Variants in JAKMIP2 observed in about 807,000 individuals in gnomAD.
The protein encoded by JAKMIP2 is janus kinase and microtubule-interacting protein 2.
A neutral mutation model predicts 115.0 loss-of-function variants in JAKMIP2; 25 were observed. That is an observed-to-expected ratio of 0.22 (90% confidence interval 0.16 to 0.30). The LOEUF is 0.30. Ranked by LOEUF, JAKMIP2 falls within the 10% of genes least tolerant of loss-of-function variation. The pLI, the probability that JAKMIP2 is intolerant of heterozygous loss-of-function variation, is 1.00. For synonymous variants in JAKMIP2, 334 were observed against 343.6 expected, an observed-to-expected ratio of 0.97 and a Z score of 0.31; for missense variants, 642 against 957.6, an observed-to-expected ratio of 0.67 and a Z score of 4.35.
intron 13 of JAKMIP2, 30 bp downstream of exon 13, chr5:147,632,650 T>C (rs202088532): frequency 1.5e-6 from 2 of 1,361,860 alleles, no homozygotes; most frequent in African/African-American, 2.9e-5. Context: ...ATTACGATTA[T>C]TTTTATTATT....
intron 1 of JAKMIP2, among the ~76,000 whole-genome samples, chr5:147,724,701 A>T (rs999366622): frequency 4.4e-4 from 67 of 152,302 alleles, no homozygotes; most frequent in African/African-American, 1.6e-3. Context: ...TAGAAGGAAG[A>T]TCTTACTGTA....
Position 147,591,578 on chromosome 5 carries a change from G to T in JAKMIP2, c.*129C>A, listed in dbSNP as rs1755094476. On this transcript the variant is annotated 3_prime_UTR_variant, in exon 22 of 22. Transcript: ENST00000616793. The stretch of plus-strand genomic sequence containing the variant: ...TACACAGTTGTAGTCCTGGCTACAG[G>T]GTAGTTCTTAGCTTTTGATCTCCCT... 2 of 952,782 alleles carry T rather than the reference G, an allele frequency of 2.1e-6. No homozygotes were observed. The highest frequency in any genetic ancestry group is 1.6e-5 in the African/African-American group (1 of 61,260). 59.0% of individuals were successfully genotyped at this position (952,782 alleles called of 1,614,324 possible).
intron 1 of JAKMIP2, among the ~76,000 whole-genome samples, chr5:147,704,999 G>T (rs567015533): frequency 1.3e-5 from 2 of 152,218 alleles, no homozygotes; most frequent in East Asian, 3.9e-4. Context: ...AATCAGCCAG[G>T]ATAATTTTAT....
intron 3 of JAKMIP2, among the ~76,000 whole-genome samples, chr5:147,651,447 C>A (rs1758390359): frequency 6.6e-6 from 1 of 152,070 alleles, no homozygotes; most frequent in Non-Finnish European, 1.5e-5. Flanking sequence ...GAGAGCATAG[C>A]CATTGGGTGA....
intron 10 of JAKMIP2, among the ~76,000 whole-genome samples, 200 bp downstream of exon 10, chr5:147,639,432 A>G (rs567420135): frequency 6.6e-6 from 1 of 152,378 alleles, no homozygotes; most frequent in African/African-American, 2.4e-5. Flanking sequence ...TATCTTTAAA[A>G]GAACAAAAGC....
intron 20 of JAKMIP2, among the ~76,000 whole-genome samples, chr5:147,611,865 C>T (rs1287773847): frequency 2.6e-5 from 4 of 152,182 alleles, no homozygotes; most frequent in Non-Finnish European, 5.9e-5. Flanking sequence ...ACATGATTAT[C>T]ATATATCAAC....
At chr5:147,609,274 C>T (rs967967391) in intron 20 of JAKMIP2, among the ~76,000 whole-genome samples, 3 of 152,076 alleles carry the variant, frequency 2.0e-5, no homozygotes, top group African/African-American at 2.4e-5. Flanking sequence ...ATAGCGTTGA[C>T]GGTCTTTGCA....
At chr5:147,684,310 C>CAT (rs1760468896) in intron 1 of JAKMIP2, among the ~76,000 whole-genome samples, 1 of 151,704 alleles carries the variant, frequency 6.6e-6, no homozygotes, top group Non-Finnish European at 1.5e-5. Flanking sequence ...CACACACACA[C>CAT]ACACACACAC....
chr5:147,655,813 T>C (rs952280133), intron 3 of JAKMIP2, among the ~76,000 whole-genome samples: 2 of 152,208 alleles, frequency 1.3e-5, no homozygotes, highest in Non-Finnish European at 2.9e-5. Context: ...TTTTTCCATC[T>C]TTCTGATGTG....
chr5:147,700,144 CAG>C (rs1166920089), intron 1 of JAKMIP2, among the ~76,000 whole-genome samples: 1 of 151,662 alleles, frequency 6.6e-6, no homozygotes, highest in Admixed American at 6.6e-5. Context: ...TGGAGGGAAA[CAG>C]AAATAAAATC....
chr5:147,675,836 T>C (rs977154710), intron 1 of JAKMIP2, among the ~76,000 whole-genome samples: 3 of 150,598 alleles, frequency 2.0e-5, no homozygotes, highest in Non-Finnish European at 2.9e-5. Context: ...TAGCATAATG[T>C]TTTCCAGGTT....
Position 147,644,989 on chromosome 5 carries a change from C to G in JAKMIP2, c.944G>C (p.Arg315Pro). 6.2e-7 allele frequency: 1 copy of G among 1,611,854 alleles called. No homozygotes were observed. Among genetic ancestry groups the G allele is most frequent in the Non-Finnish European group, 8.5e-7 (1 of 1,179,668 alleles). ...ACATTGCTTTTCGGTTTCCCGCACA[C>G]GTTTTAACTGGGAAGAAATAAGTGA... is the stretch of plus-strand genomic sequence containing the variant. ...LGDERNELLK[R>P]VRETEKQCKP... Residue 315 changes from arginine (R) to proline (P), a missense_variant, in exon 6 of 22, where the codon CGT becomes CCT. By Grantham distance (103) the Arg-to-Pro change is moderately radical. Coordinates refer to ENST00000616793, the MANE Select transcript of JAKMIP2 (RefSeq NM_001270941.2).
At chr5:147,734,926 A>G (rs1370948186) in intron 1 of JAKMIP2, among the ~76,000 whole-genome samples, 1 of 152,206 alleles carries the variant, frequency 6.6e-6, no homozygotes, top group Non-Finnish European at 1.5e-5. Context: ...TGGAGGAGGT[A>G]TCCCGAGGCC....
chr5:147,697,293 CAT>C (rs1219774199), intron 1 of JAKMIP2, among the ~76,000 whole-genome samples: 1 of 152,140 alleles, frequency 6.6e-6, no homozygotes, highest in East Asian at 1.9e-4. Flanking sequence ...CAGCAGATCT[CAT>C]GAGACTTATT....
intron 19 of JAKMIP2, among the ~76,000 whole-genome samples, chr5:147,614,626 C>G (rs957652545): frequency 4.6e-5 from 7 of 152,154 alleles, no homozygotes; most frequent in African/African-American, 1.4e-4. Context: ...TGTGAACTCT[C>G]AGAATGTAAA....
chr5:147,701,062 G>GT (rs1169336054), intron 1 of JAKMIP2, among the ~76,000 whole-genome samples: 1 of 151,980 alleles, frequency 6.6e-6, no homozygotes, highest in Non-Finnish European at 1.5e-5. Flanking sequence ...GTAAGAATTT[G>GT]TTTTGTAAAA....
chr5:147,650,509 G>A lies in JAKMIP2; in HGVS notation c.666C>T (p.Ser222=). The change falls in exon 4 of 22, where the codon TCC becomes TCT. Residue 222 remains serine (S), a synonymous_variant. Coordinates refer to ENST00000616793, the MANE Select transcript of JAKMIP2 (RefSeq NM_001270941.2). ...EIKAKDRIIF[S]LEKELETQTG... is the part of the protein sequence containing the mutation. The stretch of plus-strand genomic sequence containing the variant: ...TCTGGGTCTCCAGTTCCTTTTCCAG[G>A]GAAAAGATGATCCTGTCCTTGGCTT... The A allele has an allele frequency of 2.5e-6, 4 of 1,613,564 alleles. No homozygotes were observed. Among genetic ancestry groups the A allele is most frequent in the Non-Finnish European group, 3.4e-6 (4 of 1,179,810 alleles).
intron 1 of JAKMIP2, among the ~76,000 whole-genome samples, chr5:147,699,434 T>C (rs777403519): frequency 6.6e-6 from 1 of 151,502 alleles, no homozygotes; most frequent in Admixed American, 6.6e-5. Context: ...TTGTTTACAT[T>C]GGTGAAAAAA....
intron 1 of JAKMIP2, among the ~76,000 whole-genome samples, chr5:147,748,336 C>G (rs1000396467): frequency 1.3e-5 from 2 of 152,124 alleles, no homozygotes; most frequent in African/African-American, 4.8e-5. Flanking sequence ...ATACCTGATG[C>G]TGTTATTATA....
Sources: allele counts gnomAD v4.1 joint callset (sites outside exome capture counted in the v4.1 genomes callset), GRCh38; gene constraint gnomAD v4.1.1; transcripts MANE v1.5; gene names NCBI Gene and HGNC (gene_info 2026-07-23, HGNC 2026-07-21).